The following NUDT17 variants were observed in gnomAD, a reference collection of about 807,000 sequenced individuals.
NUDT17 encodes nudix hydrolase 17.
In NUDT17, 38 loss-of-function variants were observed where a neutral mutation model predicts 38.6. The observed-to-expected ratio is 0.98, with a 90% CI of 0.76 to 1.29. The LOEUF is 1.29. NUDT17 is among the 50% of genes most tolerant of loss of function. NUDT17 has a pLI of 0.00. For synonymous variants in NUDT17, 192 were observed against 167.8 expected, an observed-to-expected ratio of 1.14 and a Z score of -1.11; for missense variants, 462 against 415.2, an observed-to-expected ratio of 1.11 and a Z score of -0.98.
In NUDT17 at chr1:145,848,592, A is replaced by G. The variant is rs1652826776; in HGVS notation, c.*113A>G. 5.0e-6 allele frequency: 4 copies of G among 803,602 alleles called. No homozygotes were observed. The highest frequency in any genetic ancestry group is 2.4e-5 in the Admixed American group (1 of 41,668). The allele number at this position is 803,602 out of a possible 1,614,324, so 49.8% of individuals were successfully genotyped here. A position where few individuals can be genotyped will look rare whatever the true frequency, so the allele number is the denominator to read the frequency against. On this transcript the variant is annotated 3_prime_UTR_variant, in exon 8 of 8. Transcript: ENST00000334513. ...TAGAAATAAAAAGTAAAATTACAAC[A>G]TAGGTCCTAGGCCTTGGCGAGCCTG...
intron 1 of NUDT17, 24 bp downstream of exon 1, chr1:145,845,856 C>A (rs1553732198): frequency 1.3e-6 from 2 of 1,564,826 alleles, no homozygotes; most frequent in Admixed American, 3.8e-5. Context: ...GGCCCCAGAG[C>A]GGGGGCAGTG....
In NUDT17 at chr1:145,847,729, A is replaced by G. The variant is rs745901028; in HGVS notation, c.731+10A>G. The stretch of plus-strand genomic sequence containing the variant: ...TACCACCCTCTGTCCTGTAAGTAAG[A>G]GCTTCTCCCTCAGCCTCTAATACAC... On this transcript the variant is annotated intron_variant, in intron 6 of 7. Transcript: ENST00000334513. The G allele has an allele frequency of 7.9e-5, 128 of 1,613,740 alleles. No homozygotes were observed. The highest frequency in any genetic ancestry group is 9.9e-5 in the Non-Finnish European group (117 of 1,179,822).
intron 4 of NUDT17, 22 bp downstream of exon 4, chr1:145,846,712 A>C (rs782648969): frequency 1.0e-5 from 16 of 1,527,358 alleles, no homozygotes; most frequent in Non-Finnish European, 1.5e-5. Context: ...AGCTGGGAGA[A>C]GCTCCTCCAT....
At chr1:145,847,860 T>C (rs1308023899) in intron 6 of NUDT17, 141 bp downstream of exon 6, 4 of 907,352 alleles carry the variant, frequency 4.4e-6, no homozygotes, top group East Asian at 5.1e-5. Flanking sequence ...ATTAAGAAGG[T>C]ACATGAAATC....
Position 145,847,329 on chromosome 1 carries a change from A to G in NUDT17, c.575A>G (p.Glu192Gly), listed in dbSNP as rs782217720. 1 of 1,610,676 alleles carries G rather than the reference A, an allele frequency of 6.2e-7. No homozygotes were observed. Among genetic ancestry groups the G allele is most frequent in the Non-Finnish European group, 8.5e-7 (1 of 1,178,198 alleles). The change falls in exon 5 of 8, where the codon GAA (glutamate) becomes GGA (glycine). Residue 192 changes from glutamate (E) to glycine (G), a missense_variant. By Grantham distance (98) the Glu-to-Gly change is moderately conservative (BLOSUM62 -2). Transcript: ENST00000334513. ...CTGTATCTACTCGTGATCTCCCAGG[A>G]ATCACAGCAGCAGTTGCAGGTAGGG... is the stretch of plus-strand genomic sequence containing the variant. The part of the protein sequence containing the change: ...IVLYLLVISQ[E>G]SQQQLQARIQ...
chr1:145,846,242 C>T lies in NUDT17; in HGVS notation c.376+46C>T, dbSNP rs1424762042. 2.6e-6 allele frequency: 4 copies of T among 1,536,562 alleles called. No individual in the cohort carries two copies. In the African/African-American group the frequency reaches 4.1e-5, roughly 16 times the overall value. Reference sequence around the variant, plus strand: ...GCCCCAAGTACAGAGAAGAAATTTGCCCTTTCCCCGCAACAATGTTTTTCC... The same window carrying T: ...GCCCCAAGTACAGAGAAGAAATTTGTCCTTTCCCCGCAACAATGTTTTTCC... On this transcript the variant is annotated intron_variant, in intron 2 of 7. Coordinates refer to ENST00000334513, the MANE Select transcript of NUDT17 (RefSeq NM_001012758.3).
In NUDT17 at chr1:145,848,177, G is replaced by A. The variant is rs139025436; in HGVS notation, c.797G>A (p.Arg266Gln). 4.8e-5 allele frequency: 77 copies of A among 1,614,172 alleles called. No homozygotes were observed. The South Asian group carries it at 6.0e-4, about 13-fold the overall frequency. ...PLVLHMSTLL[R>Q]MIPTMAEDKE... ...GTCCTGCACATGTCCACCCTCCTGC[G>A]GATGATCCCAACCATGGCAGAGGAC... is the stretch of plus-strand genomic sequence containing the variant. The change falls in exon 7 of 8, where the codon CGG (arginine) becomes CAG (glutamine). Residue 266 changes from arginine (R) to glutamine (Q), a missense_variant. Physicochemically the swap from Arg to Gln is conservative, Grantham distance 43 (BLOSUM62 1). Coordinates refer to ENST00000334513, the MANE Select transcript of NUDT17 (RefSeq NM_001012758.3).
rs1553731968 is a variant in NUDT17, at chr1:145,845,636, G to C, written c.-5G>C. 1 of 1,505,782 alleles carries C rather than the reference G, an allele frequency of 6.6e-7. No individual in the cohort carries two copies. Among genetic ancestry groups the C allele is most frequent in the East Asian group, 2.5e-5 (1 of 40,004 alleles). 93.3% of individuals were successfully genotyped at this position (1,505,782 alleles called of 1,614,324 possible). A position where few individuals can be genotyped will look rare whatever the true frequency, so the allele number is the denominator to read the frequency against. On this transcript the variant is annotated 5_prime_UTR_variant, in exon 1 of 8. Transcript: ENST00000334513. Reference sequence around the variant, plus strand: ...GGCGGGCCGCAGCGACTCCAGAGTCGCGTTATGGCCGAGGTGCGGGTGCAG... The same window carrying C: ...GGCGGGCCGCAGCGACTCCAGAGTCCCGTTATGGCCGAGGTGCGGGTGCAG...
At chr1:145,848,302 G>A in intron 7 of NUDT17, 38 bp downstream of exon 7, 3 of 1,613,282 alleles carry the variant, frequency 1.9e-6, no homozygotes, top group South Asian at 1.1e-5. Context: ...CCACAGTACT[G>A]GGCTGGAATG....
rs781810302 is a variant in NUDT17 at position 145,846,251 on chromosome 1, C to G, written c.376+55C>G. 7 of 1,527,000 alleles carry G rather than the reference C, an allele frequency of 4.6e-6. No individual in the cohort carries two copies. The South Asian group carries it at 5.9e-5, about 13-fold the overall frequency. The allele number at this position is 1,527,000 out of a possible 1,614,324, so 94.6% of individuals were successfully genotyped here. ...ACAGAGAAGAAATTTGCCCTTTCCC[C>G]GCAACAATGTTTTTCCCAGTCTCAG... On this transcript the variant is annotated intron_variant, in intron 2 of 7. Transcript: ENST00000334513.
chr1:145,846,556 G>A, intron 3 of NUDT17, 42 bp from the exon 4 acceptor site: 1 of 1,605,488 alleles, frequency 6.2e-7, no homozygotes, highest in Admixed American at 1.7e-5. Flanking sequence ...ACTTGGAAGA[G>A]TCAGGCACTG....
In NUDT17 at chr1:145,848,381, C is replaced by A; in HGVS notation, c.889C>A (p.Pro297Thr). 1 of 1,613,228 alleles carries A rather than the reference C, an allele frequency of 6.2e-7. No homozygotes were observed. The highest frequency in any genetic ancestry group is 8.5e-7 in the Non-Finnish European group (1 of 1,179,458). Residue 297 changes from proline (P) to threonine (T), a missense_variant, in exon 8 of 8, where the codon CCC becomes ACC. Pro to Thr is a conservative substitution (Grantham distance 38). Coordinates refer to ENST00000334513, the MANE Select transcript of NUDT17 (RefSeq NM_001012758.3). ...TCTCTTGGAATTCCTCCACAGAACA[C>A]CCCCACCGTGTAAAAGTGCAGCTTA... ...KLWLQHLGRT[P>T]PPCKSAAYLD...
At chr1:145,847,528 G>A (rs10910830) in intron 5 of NUDT17, 55 bp from the exon 6 acceptor site, 7 of 1,563,498 alleles carry the variant, frequency 4.5e-6, no homozygotes, top group African/African-American at 4.0e-5. Flanking sequence ...TTTTGATCAC[G>A]AACAGGCAGC....
At position 145,845,950 on chromosome 1, in the gene NUDT17, G is replaced by A. The variant is rs1323232628; in HGVS notation, c.193-63G>A. The A allele has an allele frequency of 1.9e-6, 3 of 1,539,774 alleles. No homozygotes were observed. In the African/African-American group the frequency reaches 4.1e-5, roughly 21 times the overall value. On this transcript the variant is annotated intron_variant, in intron 1 of 7. Transcript: ENST00000334513. ...AACGCGCGGTGTAGCCCCATTTTTG[G>A]AAGTCACGCCCACCCAGTGCCGCCC...
Position 145,846,669 on chromosome 1 carries a change from G to A in NUDT17, c.474G>A (p.Trp158Ter). 1 of 1,613,494 alleles carries A rather than the reference G, an allele frequency of 6.2e-7. No homozygotes were observed. The highest frequency in any genetic ancestry group is 8.5e-7 in the Non-Finnish European group (1 of 1,179,398). Residue 158 changes from tryptophan (W) to a stop codon, truncating the protein, a stop_gained, in exon 4 of 8, where the codon TGG becomes TGA. Transcript: ENST00000334513. LOFTEE classifies it high-confidence loss of function. ...ACCTGCCCCAGGGCCAGTTCTCTTG[G>A]GTCCCTCTGGGTTTATGGGAGGTGA... Reference protein sequence around the residue: ...GLHLPQGQFSWVPLGLWESAY... With the variant: ...GLHLPQGQFS
At position 145,848,176 on chromosome 1, in the gene NUDT17, C is replaced by G. The variant is rs587611781; in HGVS notation, c.796C>G (p.Arg266Gly). 3.7e-6 allele frequency: 6 copies of G among 1,614,164 alleles called. No individual in the cohort carries two copies. The African/African-American group carries it at 5.3e-5, about 14-fold the overall frequency. The change falls in exon 7 of 8, where the codon CGG (arginine) becomes GGG (glycine). Residue 266 changes from arginine to glycine, a missense_variant. By Grantham distance (125) the Arg-to-Gly change is moderately radical. Transcript: ENST00000334513. ...GGTCCTGCACATGTCCACCCTCCTG[C>G]GGATGATCCCAACCATGGCAGAGGA... ...PLVLHMSTLLRMIPTMAEDKE... is the reference protein window; with the variant it reads ...PLVLHMSTLLGMIPTMAEDKE...
At chr1:145,847,091 G>C (rs980145057) in intron 4 of NUDT17, among the ~76,000 whole-genome samples, 159 bp from the exon 5 acceptor site, 1 of 152,106 alleles carries the variant, frequency 6.6e-6, no homozygotes, top group Non-Finnish European at 1.5e-5. Flanking sequence ...CTACTCTGGA[G>C]GCTGAGGCTG....
At position 145,845,780 on chromosome 1, in the gene NUDT17, T is replaced by G; in HGVS notation, c.140T>G (p.Leu47Arg). 3 of 1,592,512 alleles carry G rather than the reference T, an allele frequency of 1.9e-6. No homozygotes were observed. Among genetic ancestry groups the G allele is most frequent in the Non-Finnish European group, 2.6e-6 (3 of 1,170,476 alleles). ...CACTGCAGCTTGAAGCGAGGACGGC[T>G]TGTCCTCTCGAGCAGGCCCTTCCCA... ...PIHCSLKRGRLVLSSRPFPGA... is the reference protein window; with the variant it reads ...PIHCSLKRGRRVLSSRPFPGA... The change falls in exon 1 of 8, where the codon CTT becomes CGT. Residue 47 changes from leucine (L) to arginine (R), a missense_variant. Transcript: ENST00000334513.
intron 6 of NUDT17, 119 bp downstream of exon 6, chr1:145,847,838 G>T: frequency 1.9e-6 from 2 of 1,033,870 alleles, no homozygotes; most frequent in South Asian, 1.5e-5. Context: ...AAGGAGAGTG[G>T]GTCAGCTGAT....
Sources: gnomAD v4.1 joint callset for allele counts (sites outside exome capture counted in the v4.1 genomes callset) on GRCh38, gnomAD v4.1.1 for gene constraint, MANE v1.5 for transcripts, NCBI Gene and HGNC (gene_info 2026-07-23, HGNC 2026-07-21) for gene names.